Variants in TBC1D20 observed in about 807,000 individuals in gnomAD.
The protein encoded by TBC1D20 is chromosome 20 open reading frame 140.
TBC1D20 carries 12 observed loss-of-function variants against 41.6 expected under a neutral mutation model. That is an observed-to-expected ratio of 0.29 (90% CI 0.18 to 0.47). TBC1D20 has a LOEUF of 0.47. Ranked by LOEUF, TBC1D20 falls within the 20% of genes least tolerant of loss-of-function variation. TBC1D20 has a pLI of 1.00. For synonymous variants in TBC1D20, 205 were observed against 204.8 expected, an observed-to-expected ratio of 1.00 and a Z score of -0.01; for missense variants, 421 against 517.4, an observed-to-expected ratio of 0.81 and a Z score of 1.81.
rs760601106 is a variant in TBC1D20 at position 462,483 on chromosome 20, G to C, written c.-78C>G. ...GAAGACGCGGCTCCGACCGCGGGACGTAGCACCCGCTCGGCATCGGCAGGC... is the reference window on the plus strand; with the variant it reads ...GAAGACGCGGCTCCGACCGCGGGACCTAGCACCCGCTCGGCATCGGCAGGC... On this transcript the variant is annotated 5_prime_UTR_variant, in exon 1 of 8. An upstream open reading frame in the 5' UTR gains an earlier in-frame stop. Coordinates refer to ENST00000354200, the MANE Select transcript of TBC1D20 (RefSeq NM_144628.4). The C allele has an allele frequency of 9.2e-6, 8 of 872,484 alleles. No individual in the cohort carries two copies. In the South Asian group the frequency reaches 3.3e-4, roughly 36 times the overall value. 54.0% of individuals were successfully genotyped at this position (872,484 alleles called of 1,614,324 possible).
chr20:459,680 G>C (rs545990585), intron 1 of TBC1D20, among the ~76,000 whole-genome samples: 1 of 152,236 alleles, frequency 6.6e-6, no homozygotes, highest in East Asian at 1.9e-4. Flanking sequence ...GGGCAAAGCA[G>C]ACTTTATTTG....
chr20:459,503 A>T (rs2122430638), intron 1 of TBC1D20, among the ~76,000 whole-genome samples: 1 of 152,346 alleles, frequency 6.6e-6, no homozygotes, highest in Non-Finnish European at 1.5e-5. Context: ...CATAACCATG[A>T]TGGAACGAAT....
In TBC1D20 at chr20:461,108, G is replaced by T. The variant is rs749653038; in HGVS notation, c.70+1228C>A. 5.3e-5 allele frequency among the ~76,000 whole-genome samples: 8 copies of T among 152,278 alleles called. No homozygotes were observed. The South Asian group carries it at 8.3e-4, about 16-fold the overall frequency. On this transcript the variant is annotated intron_variant, in intron 1 of 7. Coordinates refer to ENST00000354200, the MANE Select transcript of TBC1D20 (RefSeq NM_144628.4). Reference sequence around the variant, plus strand: ...TACCAGGAGCTTCCTCAAAATATGTGGGTTGTATTAATAACGTGTTTGGCT... The same window carrying T: ...TACCAGGAGCTTCCTCAAAATATGTTGGTTGTATTAATAACGTGTTTGGCT...
At chr20:459,245 C>T (rs956108876) in intron 1 of TBC1D20, among the ~76,000 whole-genome samples, 1 of 152,140 alleles carries the variant, frequency 6.6e-6, no homozygotes, top group African/African-American at 2.4e-5. Flanking sequence ...AAAATAAATG[C>T]CTATTATCTA....
Position 435,902 on chromosome 20 carries a change from A to C in TBC1D20, c.*2684T>G, listed in dbSNP as rs998127625. The C allele has an allele frequency of 6.6e-6, 1 of 152,646 alleles. No homozygotes were observed. Among genetic ancestry groups the C allele is most frequent in the African/African-American group, 2.4e-5 (1 of 41,442 alleles). The allele number at this position is 152,646 out of a possible 1,614,324, so 9.5% of individuals were successfully genotyped here. On this transcript the variant is annotated 3_prime_UTR_variant, in exon 8 of 8. Transcript: ENST00000354200. ...GGGTCTTATGAGCTACAGTCAGATTAAAGTCTGGTGTTGAGCAAGTGAAAT... is the reference window on the plus strand; with the variant it reads ...GGGTCTTATGAGCTACAGTCAGATTCAAGTCTGGTGTTGAGCAAGTGAAAT...
rs1296619316 is a variant in TBC1D20 at position 439,397 on chromosome 20, A to T, written c.769-102T>A. 3 of 901,128 alleles carry T rather than the reference A, an allele frequency of 3.3e-6. No individual in the cohort carries two copies. Among genetic ancestry groups the T allele is most frequent in the Non-Finnish European group, 5.1e-6 (3 of 588,206 alleles). The allele number at this position is 901,128 out of a possible 1,614,324, so 55.8% of individuals were successfully genotyped here. On this transcript the variant is annotated intron_variant, in intron 6 of 7. Transcript: ENST00000354200. This position sits in a 1 kb window ranked among gnomAD's most constrained non-coding sequence, Gnocchi z 4.6. ...GCAGATGAATTTAAACTGGTAACAG[A>T]CAGGACTCAGCCCAAATGTTGAGCA...
rs1168422647 is a variant in TBC1D20, at chr20:436,835, G to A, written c.*1751C>T. ...GGTTTTAAAGTGCGTAGTGGTGGCT[G>A]GGCGTGGTGGCTCACACCTGTAATC... On this transcript the variant is annotated 3_prime_UTR_variant, in exon 8 of 8. Coordinates refer to ENST00000354200, the MANE Select transcript of TBC1D20 (RefSeq NM_144628.4). 1 of 153,704 alleles carries A rather than the reference G, an allele frequency of 6.5e-6. No homozygotes were observed. The highest frequency in any genetic ancestry group is 2.4e-5 in the African/African-American group (1 of 41,442). 9.5% of individuals were successfully genotyped at this position (153,704 alleles called of 1,614,324 possible). A position where few individuals can be genotyped will look rare whatever the true frequency, so the allele number is the denominator to read the frequency against.
intron 1 of TBC1D20, among the ~76,000 whole-genome samples, chr20:459,056 G>A (rs1044096422): frequency 1.3e-5 from 2 of 152,184 alleles, no homozygotes; most frequent in Non-Finnish European, 2.9e-5. Flanking sequence ...AAAAAGGGAA[G>A]AGGAAACAGA....
chr20:448,675 C>A, intron 1 of TBC1D20, among the ~76,000 whole-genome samples: 1 of 140,964 alleles, frequency 7.1e-6, no homozygotes, highest in African/African-American at 2.7e-5. Context: ...GATGACAGAG[C>A]GAGACTCCGT....
intron 1 of TBC1D20, among the ~76,000 whole-genome samples, chr20:453,785 C>T (rs1422119427): frequency 1.4e-5 from 2 of 145,308 alleles, no homozygotes; most frequent in African/African-American, 2.6e-5. Flanking sequence ...CTCCTGACCT[C>T]GTGACCCGCC....
chr20:461,280 A>C (rs1276648546), intron 1 of TBC1D20, among the ~76,000 whole-genome samples: 1 of 152,246 alleles, frequency 6.6e-6, no homozygotes, highest in African/African-American at 2.4e-5. Flanking sequence ...ACATTTGAGA[A>C]CATCATGTGC....
At chr20:443,849 G>A (rs1161494475) in intron 3 of TBC1D20, among the ~76,000 whole-genome samples, 2 of 152,090 alleles carry the variant, frequency 1.3e-5, no homozygotes, top group Non-Finnish European at 1.5e-5. Flanking sequence ...AGGAAAAAAT[G>A]GGGGTGGCTC....
chr20:446,164 T>C (rs1228447319), intron 2 of TBC1D20, among the ~76,000 whole-genome samples: 14 of 152,244 alleles, frequency 9.2e-5, no homozygotes, highest in South Asian at 2.1e-4. Context: ...ACAAGGTGAG[T>C]GCACTGAGTG....
At chr20:445,010 C>T (rs1448518394) in intron 3 of TBC1D20, 40 bp downstream of exon 3, 7 of 1,556,088 alleles carry the variant, frequency 4.5e-6, no homozygotes, top group Admixed American at 3.5e-5. Flanking sequence ...GGAACAGATA[C>T]AGTCTTTCCA....
rs183805553 is a variant in TBC1D20 at position 453,880 on chromosome 20, T to C, written c.71-5806A>G. 8.9e-3 allele frequency among the ~76,000 whole-genome samples: 1,247 copies of C among 140,580 alleles called. 47 individuals are homozygous for C. Among genetic ancestry groups the C allele is most frequent in the Admixed American group, 0.013 (191 of 14,398 alleles). The allele number at this position is 140,580 out of a possible 152,430, so 92.2% of individuals were successfully genotyped here. A position where few individuals can be genotyped will look rare whatever the true frequency, so the allele number is the denominator to read the frequency against. ...CAGCACTTTGGGAGGCCGAGGTGGA[T>C]GGATCACTGAGGTCAGGAGATTGAG... On this transcript the variant is annotated intron_variant, in intron 1 of 7. Transcript: ENST00000354200.
intron 1 of TBC1D20, among the ~76,000 whole-genome samples, chr20:450,305 C>T (rs945810982): frequency 5.3e-5 from 8 of 151,630 alleles, no homozygotes; most frequent in African/African-American, 9.7e-5. Flanking sequence ...TGCACCACCA[C>T]GCTTTGCTAA....
intron 1 of TBC1D20, among the ~76,000 whole-genome samples, chr20:451,898 T>C (rs1343106953): frequency 2.0e-5 from 3 of 152,232 alleles, no homozygotes; most frequent in South Asian, 2.1e-4. Context: ...ACAATCAGCA[T>C]AACCTGTAGA....
chr20:445,882 G>C (rs1414769225), intron 2 of TBC1D20, among the ~76,000 whole-genome samples: 1 of 152,246 alleles, frequency 6.6e-6, no homozygotes, highest in Admixed American at 6.5e-5. Context: ...TTTGGAACCT[G>C]ATAGAAGAAC....
At chr20:456,508 TATATATA>T (rs1156754158) in intron 1 of TBC1D20, among the ~76,000 whole-genome samples, 6 of 152,306 alleles carry the variant, frequency 3.9e-5, no homozygotes, top group African/African-American at 9.6e-5. Flanking sequence ...AAACAATTAT[TATATATA>T]ATAGAATCTG....
Sources: gnomAD v4.1 joint callset for allele counts (sites outside exome capture counted in the v4.1 genomes callset) on GRCh38, gnomAD v4.1.1 for gene constraint, Gnocchi (gnomAD v3.1) non-coding constraint, MANE v1.5 for transcripts, NCBI Gene and HGNC (gene_info 2026-07-23, HGNC 2026-07-21) for gene names.